Variants in ARB2A observed in about 807,000 individuals in gnomAD.
ARB2A encodes ARB2 cotranscriptional regulator A.
the ARB2A span, among the ~76,000 whole-genome samples, chr5:93,662,636 T>C: frequency 6.6e-6 from 1 of 152,190 alleles, no homozygotes; most frequent in African/African-American, 2.4e-5. Context: ...TTATATGTTT[T>C]TCTCACAATT....
At chr5:93,620,368 A>T in the ARB2A span, 1 of 152,140 alleles carries the variant, frequency 6.6e-6, no homozygotes, top group Admixed American at 6.5e-5. Flanking sequence ...TGGTCCCGAA[A>T]TGAAAACAGG....
the ARB2A span, among the ~76,000 whole-genome samples, chr5:93,715,437 T>C: frequency 6.6e-6 from 1 of 152,198 alleles, no homozygotes; most frequent in Non-Finnish European, 1.5e-5. Context: ...CCTTTGCACT[T>C]TGTAGTGTGC....
chr5:93,654,084 CAT>C, the ARB2A span, among the ~76,000 whole-genome samples: 1 of 152,198 alleles, frequency 6.6e-6, no homozygotes, highest in Admixed American at 6.5e-5. Context: ...ATGAATGAGA[CAT>C]AGTCTGTCCT....
the ARB2A span, among the ~76,000 whole-genome samples, chr5:94,013,611 A>G: frequency 5.3e-5 from 8 of 152,196 alleles, no homozygotes; most frequent in Non-Finnish European, 8.8e-5. Context: ...CAGAAAATAC[A>G]ATGAAAGATG....
the ARB2A span, among the ~76,000 whole-genome samples, chr5:93,676,376 C>T: frequency 1.3e-5 from 2 of 152,138 alleles, no homozygotes; most frequent in Admixed American, 1.3e-4. Context: ...GCTTTGTTTA[C>T]AAACATATAT....
chr5:93,763,562 C>A, the ARB2A span, among the ~76,000 whole-genome samples: 1 of 152,066 alleles, frequency 6.6e-6, no homozygotes, highest in Non-Finnish European at 1.5e-5. Context: ...CCTTAGAGAC[C>A]TACAAAGAGA....
the ARB2A span, among the ~76,000 whole-genome samples, chr5:93,665,616 C>A: frequency 6.6e-6 from 1 of 152,146 alleles, no homozygotes; most frequent in Non-Finnish European, 1.5e-5. Flanking sequence ...GCTGATAAAA[C>A]AAACAGGGGT....
At chr5:94,007,461 A>G in the ARB2A span, among the ~76,000 whole-genome samples, 2 of 152,152 alleles carry the variant, frequency 1.3e-5, no homozygotes, top group Admixed American at 6.5e-5. Flanking sequence ...TTAACATACT[A>G]TTGTTCAAAG....
chr5:93,921,679 G>A, the ARB2A span, among the ~76,000 whole-genome samples: 3 of 152,170 alleles, frequency 2.0e-5, no homozygotes, highest in African/African-American at 7.2e-5. Flanking sequence ...TAACTCTACT[G>A]TTTTGTGCAC....
the ARB2A span, chr5:93,740,190 C>A: frequency 6.1e-6 from 1 of 163,176 alleles, no homozygotes; most frequent in South Asian, 1.8e-4. Flanking sequence ...CTAAGGTAGT[C>A]TTCTGTGACT....
the ARB2A span, chr5:93,743,568 A>C: frequency 7.4e-5 from 73 of 985,104 alleles, no homozygotes; most frequent in Non-Finnish European, 8.7e-5. Flanking sequence ...CGAAGCAATC[A>C]GTATCTGCCA....
At chr5:94,109,878 C>CTTT in the ARB2A span, among the ~76,000 whole-genome samples, 12 of 96,228 alleles carry the variant, frequency 1.2e-4, no homozygotes, top group South Asian at 3.4e-4. Flanking sequence ...CTCTATACCT[C>CTTT]TTTTTTTTTT....
At chr5:93,874,224 T>C in the ARB2A span, among the ~76,000 whole-genome samples, 1 of 152,164 alleles carries the variant, frequency 6.6e-6, no homozygotes. Context: ...GGAACAGAGC[T>C]CCTAAAAGGC....
At chr5:93,867,072 T>C in the ARB2A span, among the ~76,000 whole-genome samples, 9 of 152,170 alleles carry the variant, frequency 5.9e-5, no homozygotes, top group Admixed American at 3.3e-4. Flanking sequence ...GCTAAACAGA[T>C]TTTACTTTTA....
the ARB2A span, among the ~76,000 whole-genome samples, chr5:93,659,039 T>C: frequency 6.6e-6 from 1 of 152,046 alleles, no homozygotes; most frequent in African/African-American, 2.4e-5. Context: ...TGAAGTTTCA[T>C]TTGAAAACCA....
chr5:93,843,586 A>T, the ARB2A span, among the ~76,000 whole-genome samples: 1 of 151,828 alleles, frequency 6.6e-6, no homozygotes, highest in Non-Finnish European at 1.5e-5. Context: ...ACCATGCCCC[A>T]CCATGCCTGG....
chr5:93,691,545 C>A, the ARB2A span, among the ~76,000 whole-genome samples: 1 of 151,908 alleles, frequency 6.6e-6, no homozygotes, highest in Non-Finnish European at 1.5e-5. Flanking sequence ...ACCAAACCTG[C>A]GTTTGACTGG....
the ARB2A span, among the ~76,000 whole-genome samples, chr5:94,036,758 G>A: frequency 6.6e-6 from 1 of 152,128 alleles, no homozygotes; most frequent in African/African-American, 2.4e-5. Flanking sequence ...TATCCAATAA[G>A]ACAAGATATC....
the ARB2A span, among the ~76,000 whole-genome samples, chr5:93,906,326 T>C: frequency 0.012 from 1,788 of 151,616 alleles, 39 homozygotes; most frequent in African/African-American, 0.041. Flanking sequence ...GGCTATGAGA[T>C]GGTTGAAAGA....
Sources: gnomAD v4.1 joint callset for allele counts (sites outside exome capture counted in the v4.1 genomes callset) on GRCh38, gnomAD v4.1.1 for gene constraint, MANE v1.5 for transcripts, NCBI Gene and HGNC (gene_info 2026-07-23, HGNC 2026-07-21) for gene names.